Variants in CPPED1 observed in about 807,000 individuals in gnomAD.
CPPED1 encodes the protein serine/threonine-protein phosphatase CPPED1.
A neutral mutation model predicts 28.0 loss-of-function variants in CPPED1; 28 were observed. The observed-to-expected ratio is 1.00, with a 90% CI of 0.74 to 1.37. CPPED1 has a LOEUF of 1.37. CPPED1 is among the 40% of genes most tolerant of loss of function. The probability of loss-of-function intolerance (pLI) is 0.00; values close to 1 mark genes in which losing one functional copy is unlikely to be tolerated. For synonymous variants in CPPED1, 198 were observed against 180.2 expected (o/e 1.10, Z -0.79); for missense variants, 504 against 416.5 (o/e 1.21, Z -1.83).
intron 2 of CPPED1, among the ~76,000 whole-genome samples, chr16:12,775,079 C>T (rs1170185995): frequency 6.6e-6 from 1 of 152,132 alleles, no homozygotes. Context: ...CTTGGCCTCC[C>T]AAAGTGCTGG....
At chr16:12,741,999 G>C (rs887980435) in intron 2 of CPPED1, among the ~76,000 whole-genome samples, 1 of 152,088 alleles carries the variant, frequency 6.6e-6, no homozygotes, top group African/African-American at 2.4e-5. Flanking sequence ...CTGGGAGGGG[G>C]AGGTCACAGT....
chr16:12,735,036 A>G (rs2080219557), intron 2 of CPPED1, among the ~76,000 whole-genome samples: 1 of 152,162 alleles, frequency 6.6e-6, no homozygotes, highest in African/African-American at 2.4e-5. Flanking sequence ...CAACAGGCAG[A>G]GAAGCAGCCG....
At chr16:12,784,958 T>A (rs546834737) in intron 1 of CPPED1, among the ~76,000 whole-genome samples, 6 of 152,358 alleles carry the variant, frequency 3.9e-5, no homozygotes, top group African/African-American at 1.2e-4. Context: ...ATAAACAGAT[T>A]TGACCTAAAA....
chr16:12,770,453 G>A (rs1596478851), intron 2 of CPPED1, among the ~76,000 whole-genome samples: 4 of 152,314 alleles, frequency 2.6e-5, no homozygotes, highest in South Asian at 2.1e-4. Flanking sequence ...ACAAATGTAA[G>A]GTTTTCTAGA....
chr16:12,670,381 A>G lies in CPPED1; in HGVS notation c.716-5266T>C, dbSNP rs1406236591. Among the ~76,000 whole-genome samples, 1 of 152,232 alleles carries G rather than the reference A, an allele frequency of 6.6e-6. No homozygotes were observed. The highest frequency in any genetic ancestry group is 1.9e-4 in the East Asian group (1 of 5,206). The stretch of plus-strand genomic sequence containing the variant: ...TGGTAGGGGGAGAAACATCTCCTAC[A>G]CACAGAAGAGTAACAAATAAATGAC... On this transcript the variant is annotated intron_variant, in intron 3 of 3. Coordinates refer to ENST00000381774, the MANE Select transcript of CPPED1 (RefSeq NM_018340.3). This position sits in a 1 kb window ranked among gnomAD's most constrained non-coding sequence, Gnocchi z 4.2.
intron 3 of CPPED1, among the ~76,000 whole-genome samples, chr16:12,666,639 G>C (rs1053661985): frequency 5.9e-5 from 9 of 152,168 alleles, no homozygotes; most frequent in African/African-American, 2.2e-4. Flanking sequence ...AGATGTAGAA[G>C]AGATGCCCAG....
intron 3 of CPPED1, among the ~76,000 whole-genome samples, chr16:12,701,266 A>C (rs904255721): frequency 9.9e-5 from 15 of 151,942 alleles, no homozygotes; most frequent in Non-Finnish European, 1.6e-4. Context: ...GTGGTGGCTC[A>C]CACCCGTAAT....
intron 2 of CPPED1, among the ~76,000 whole-genome samples, chr16:12,755,663 A>C (rs1376710459): frequency 1.3e-5 from 2 of 152,238 alleles, no homozygotes; most frequent in Non-Finnish European, 2.9e-5. Context: ...CAGAAGGCTA[A>C]TACGCATACA....
intron 3 of CPPED1, among the ~76,000 whole-genome samples, chr16:12,697,934 A>G (rs2080000464): frequency 6.6e-6 from 1 of 152,146 alleles, no homozygotes; most frequent in African/African-American, 2.4e-5. Context: ...CAATACAGTG[A>G]AACTATCTCT....
intron 2 of CPPED1, among the ~76,000 whole-genome samples, chr16:12,776,507 T>TG (rs1422272701): frequency 1.3e-5 from 2 of 152,236 alleles, no homozygotes; most frequent in South Asian, 2.1e-4. Flanking sequence ...GTAACTGAAC[T>TG]GGGGGGGTTC....
At chr16:12,722,425 A>G (rs1368718236) in intron 2 of CPPED1, among the ~76,000 whole-genome samples, 2 of 152,216 alleles carry the variant, frequency 1.3e-5, no homozygotes, top group African/African-American at 4.8e-5. Context: ...TGCTGGAAAG[A>G]CTGCTGCCAT....
At chr16:12,727,019 TA>T (rs996408749) in intron 2 of CPPED1, among the ~76,000 whole-genome samples, 3 of 152,082 alleles carry the variant, frequency 2.0e-5, no homozygotes, top group Admixed American at 2.0e-4. Flanking sequence ...CCCTCATTTC[TA>T]AGGACCATCC....
intron 2 of CPPED1, among the ~76,000 whole-genome samples, chr16:12,742,439 T>G (rs1057396852): frequency 6.6e-6 from 1 of 152,214 alleles, no homozygotes; most frequent in Non-Finnish European, 1.5e-5. Flanking sequence ...AGATAATGAT[T>G]GCCAACCTTA....
Position 12,770,977 on chromosome 16 carries a change from G to C in CPPED1, c.289+10208C>G, listed in dbSNP as rs1453644640. ...CAGTGACCCCGAGGGAAGCACTTAG[G>C]GGGTGGTCAAAGTTTATTTTAAATA... On this transcript the variant is annotated intron_variant, in intron 2 of 3. Coordinates refer to ENST00000381774, the MANE Select transcript of CPPED1 (RefSeq NM_018340.3). 2.0e-5 allele frequency among the ~76,000 whole-genome samples: 3 copies of C among 152,086 alleles called. No homozygotes were observed. In the East Asian group the frequency reaches 5.8e-4, roughly 29 times the overall value.
intron 2 of CPPED1, among the ~76,000 whole-genome samples, chr16:12,717,349 C>T (rs546780169): frequency 4.1e-4 from 63 of 152,288 alleles, no homozygotes; most frequent in African/African-American, 1.4e-3. Context: ...CTGCAAGCTG[C>T]GCCTCCCAGG....
At chr16:12,723,619 T>G (rs574986441) in intron 2 of CPPED1, among the ~76,000 whole-genome samples, 13 of 152,248 alleles carry the variant, frequency 8.5e-5, no homozygotes, top group Non-Finnish European at 1.8e-4. Flanking sequence ...TCCAGAACGG[T>G]GAGAAAGCAA....
intron 2 of CPPED1, among the ~76,000 whole-genome samples, chr16:12,755,232 C>T (rs1476380810): frequency 6.6e-6 from 1 of 151,586 alleles, no homozygotes; most frequent in African/African-American, 2.4e-5. Flanking sequence ...ATGTATTAAT[C>T]ACTGACATTC....
intron 2 of CPPED1, among the ~76,000 whole-genome samples, chr16:12,741,040 T>C (rs2080252597): frequency 6.6e-6 from 1 of 152,210 alleles, no homozygotes; most frequent in Non-Finnish European, 1.5e-5. Context: ...GGAGCCAGCA[T>C]TGCACTAGAT....
chr16:12,728,742 A>G (rs1034286376), intron 2 of CPPED1, among the ~76,000 whole-genome samples: 3 of 152,162 alleles, frequency 2.0e-5, no homozygotes, highest in Non-Finnish European at 1.5e-5. Flanking sequence ...AACGACATCA[A>G]ATGAAGTGAG....
Sources: gnomAD v4.1 joint callset for allele counts (sites outside exome capture counted in the v4.1 genomes callset) on GRCh38, gnomAD v4.1.1 for gene constraint, Gnocchi (gnomAD v3.1) non-coding constraint, MANE v1.5 for transcripts, NCBI Gene and HGNC (gene_info 2026-07-23, HGNC 2026-07-21) for gene names.